The following KCNC1 variants were observed in gnomAD, a reference collection of about 807,000 sequenced individuals.
KCNC1 encodes potassium voltage-gated channel subfamily C member 1.
Under a neutral mutation model 43.4 loss-of-function variants are expected in KCNC1, and 8 were observed. The observed-to-expected ratio is 0.18, with a 90% CI of 0.11 to 0.33. The LOEUF (loss-of-function observed/expected upper bound fraction) is 0.33, where lower values mean the gene tolerates loss of function less well. Ranked by LOEUF, KCNC1 falls within the 10% of genes least tolerant of loss-of-function variation. The pLI, the probability that KCNC1 is intolerant of heterozygous loss-of-function variation, is 1.00. For synonymous variants in KCNC1, 361 were observed against 360.5 expected (o/e 1.00, Z -0.01); for missense variants, 420 against 836.0 (o/e 0.50, Z 6.14).
At chr11:17,775,984 G>A (rs1474356108) in intron 2 of KCNC1, 5 of 985,230 alleles carry the variant, frequency 5.1e-6, no homozygotes, top group East Asian at 1.1e-4. Context: ...TATCCATGGA[G>A]GGGGGAGGGA....
At chr11:17,747,360 G>C (rs528057406) in intron 1 of KCNC1, among the ~76,000 whole-genome samples, 1 of 152,214 alleles carries the variant, frequency 6.6e-6, no homozygotes, top group Non-Finnish European at 1.5e-5. Context: ...TGGAACGTCC[G>C]CCTGCCAGGG....
rs1849302561 is a variant in KCNC1, at chr11:17,777,792, G to C, written c.1505-1664G>C. On this transcript the variant is annotated intron_variant, in intron 2 of 3. Transcript: ENST00000265969. The surrounding 1 kb of genome is among the most constrained non-coding windows in gnomAD (Gnocchi z 4.3). ...ATTATGATGGGATTTTTTTGGATTTGCTTTACGAATAAATCTGATTGGTCC... is the reference window on the plus strand; with the variant it reads ...ATTATGATGGGATTTTTTTGGATTTCCTTTACGAATAAATCTGATTGGTCC... The C allele has an allele frequency of 6.1e-6, 6 of 986,242 alleles. No individual in the cohort carries two copies. In the South Asian group the frequency reaches 1.9e-4, roughly 31 times the overall value. The allele number at this position is 986,242 out of a possible 1,614,324, so 61.1% of individuals were successfully genotyped here. A position where few individuals can be genotyped will look rare whatever the true frequency, so the allele number is the denominator to read the frequency against.
In KCNC1 at chr11:17,782,093, A is replaced by G. The variant is rs1010937721; in HGVS notation, c.*359A>G. ...CAACAATAATGAAAAGAAAAACATC[A>G]AAGCCCTCTATTTTCTTTCAAAGCT... On this transcript the variant is annotated 3_prime_UTR_variant, in exon 4 of 4. Coordinates refer to ENST00000265969, the MANE Select transcript of KCNC1 (RefSeq NM_001112741.2). 1 of 224,140 alleles carries G rather than the reference A, an allele frequency of 4.5e-6. No individual in the cohort carries two copies. Among genetic ancestry groups the G allele is most frequent in the Non-Finnish European group, 8.6e-6 (1 of 115,994 alleles). The allele number at this position is 224,140 out of a possible 1,614,324, so 13.9% of individuals were successfully genotyped here.
intron 1 of KCNC1, among the ~76,000 whole-genome samples, chr11:17,759,970 C>T (rs537378987): frequency 5.3e-5 from 8 of 152,220 alleles, no homozygotes; most frequent in Admixed American, 4.6e-4. Context: ...TAAAGCAAAA[C>T]GCAGTCGAAC....
chr11:17,742,671 C>G lies in KCNC1; in HGVS notation c.570+6099C>G, dbSNP rs1488886962. 6.6e-6 allele frequency among the ~76,000 whole-genome samples: 1 copy of G among 152,178 alleles called. No homozygotes were observed. The highest frequency in any genetic ancestry group is 1.5e-5 in the Non-Finnish European group (1 of 68,016). ...ACTTCACATATGCATGGGACTATTG[C>G]AGGGAATGGGTGCTCCCAGGCTACC... On this transcript the variant is annotated intron_variant, in intron 1 of 3. Coordinates refer to ENST00000265969, the MANE Select transcript of KCNC1 (RefSeq NM_001112741.2). This position sits in a 1 kb window ranked among gnomAD's most constrained non-coding sequence, Gnocchi z 4.2.
At chr11:17,772,939 GTC>G (rs1037300309) in intron 2 of KCNC1, 3 of 1,181,762 alleles carry the variant, frequency 2.5e-6, no homozygotes, top group African/African-American at 3.1e-5. Context: ...TCCGGTGTGA[GTC>G]TCTGACTCAG....
At chr11:17,738,981 C>G (rs1022593033) in intron 1 of KCNC1, among the ~76,000 whole-genome samples, 1 of 152,194 alleles carries the variant, frequency 6.6e-6, no homozygotes, top group Non-Finnish European at 1.5e-5. Context: ...CAAGGGCACT[C>G]GGGAGCTGAG....
At chr11:17,743,583 A>G (rs1388268409) in intron 1 of KCNC1, among the ~76,000 whole-genome samples, 1 of 152,196 alleles carries the variant, frequency 6.6e-6, no homozygotes, top group Non-Finnish European at 1.5e-5. Context: ...CATATGGCCT[A>G]AAGTGAAATG....
At position 17,739,291 on chromosome 11, in the gene KCNC1, G is replaced by A. The variant is rs1008190479; in HGVS notation, c.570+2719G>A. Among the ~76,000 whole-genome samples, 2 of 152,120 alleles carry A rather than the reference G, an allele frequency of 1.3e-5. No homozygotes were observed. Among genetic ancestry groups the A allele is most frequent in the African/African-American group, 4.8e-5 (2 of 41,390 alleles). On this transcript the variant is annotated intron_variant, in intron 1 of 3. Coordinates refer to ENST00000265969, the MANE Select transcript of KCNC1 (RefSeq NM_001112741.2). The surrounding 1 kb of genome is among the most constrained non-coding windows in gnomAD (Gnocchi z 4.2). ...GAAAGGCTGTATGTGTGAGACAGAG[G>A]CTCTTTGTAAGAGAGATTGTGTGTG...
Position 17,735,005 on chromosome 11 carries a change from A to C in KCNC1, c.-998A>C, listed in dbSNP as rs1848746815. 1 of 149,236 alleles carries C rather than the reference A, an allele frequency of 6.7e-6. No homozygotes were observed. The highest frequency in any genetic ancestry group is 6.6e-5 in the Admixed American group (1 of 15,116). The allele number at this position is 149,236 out of a possible 1,614,324, so 9.2% of individuals were successfully genotyped here. ...ACCGCCTGCCCGAAGCGAGGAGCGGAGTGCGGGGCGCAGAGGCACCGGAGC... is the reference window on the plus strand; with the variant it reads ...ACCGCCTGCCCGAAGCGAGGAGCGGCGTGCGGGGCGCAGAGGCACCGGAGC... On this transcript the variant is annotated 5_prime_UTR_variant, in exon 1 of 4. Coordinates refer to ENST00000265969, the MANE Select transcript of KCNC1 (RefSeq NM_001112741.2). The surrounding 1 kb of genome is among the most constrained non-coding windows in gnomAD (Gnocchi z 6.7).
intron 1 of KCNC1, among the ~76,000 whole-genome samples, chr11:17,748,928 G>A (rs1271414754): frequency 6.6e-6 from 1 of 152,174 alleles, no homozygotes; most frequent in East Asian, 1.9e-4. Flanking sequence ...TCTCTGAGCT[G>A]GGTGTGGGGC....
intron 1 of KCNC1, among the ~76,000 whole-genome samples, chr11:17,767,581 G>T (rs1182296385): frequency 6.6e-6 from 1 of 152,330 alleles, no homozygotes; most frequent in Non-Finnish European, 1.5e-5. Flanking sequence ...GCCTGTGGCT[G>T]ACCTCCCACT....
intron 1 of KCNC1, among the ~76,000 whole-genome samples, chr11:17,763,599 CACCACCCCACATGCACATAT>C: frequency 7.4e-6 from 1 of 135,302 alleles, no homozygotes; most frequent in Non-Finnish European, 1.6e-5. Flanking sequence ...GACCCCCACA[CACCACCCCACATGCACATAT>C]ACACACCCAC....
intron 1 of KCNC1, among the ~76,000 whole-genome samples, chr11:17,740,097 G>A (rs144564124): frequency 5.9e-5 from 9 of 152,338 alleles, no homozygotes; most frequent in African/African-American, 2.2e-4. Flanking sequence ...CTGGGCCTTG[G>A]TGCTGGCCCT....
In KCNC1 at chr11:17,772,438, T is replaced by C. The variant is rs1849240717; in HGVS notation, c.1344T>C (p.Ala448=). The change falls in exon 2 of 4, where the codon GCT becomes GCC. Residue 448 remains alanine, a synonymous_variant. Coordinates refer to ENST00000265969, the MANE Select transcript of KCNC1 (RefSeq NM_001112741.2). ...NFGMYYSLAM[A]KQKLPKKKKK... ...GGATGTATTACTCCTTAGCCATGGCTAAGCAGAAACTACCAAAGAAAAAAA... is the reference window on the plus strand; with the variant it reads ...GGATGTATTACTCCTTAGCCATGGCCAAGCAGAAACTACCAAAGAAAAAAA... The C allele has an allele frequency of 6.2e-7, 1 of 1,614,016 alleles. No homozygotes were observed. The highest frequency in any genetic ancestry group is 8.5e-7 in the Non-Finnish European group (1 of 1,180,034).
rs1198347009 is a variant in KCNC1, at chr11:17,776,886, T to C, written c.1505-2570T>C. 1.3e-5 allele frequency: 13 copies of C among 985,242 alleles called. No individual in the cohort carries two copies. In the Admixed American group the frequency reaches 2.5e-4, roughly 19 times the overall value. The allele number at this position is 985,242 out of a possible 1,614,324, so 61.0% of individuals were successfully genotyped here. The stretch of plus-strand genomic sequence containing the variant: ...CAGTTTCTGAAAGCATCTTAAACCA[T>C]AGATAGACGAACAGCCCAGGGGCCT... On this transcript the variant is annotated intron_variant, in intron 2 of 3. Transcript: ENST00000265969. The surrounding 1 kb of genome is among the most constrained non-coding windows in gnomAD (Gnocchi z 4.4).
At chr11:17,751,031 C>T (rs1848963238) in intron 1 of KCNC1, among the ~76,000 whole-genome samples, 1 of 152,184 alleles carries the variant, frequency 6.6e-6, no homozygotes, top group African/African-American at 2.4e-5. Flanking sequence ...CTATGTGCCC[C>T]TGTGAGGTGG....
chr11:17,738,349 G>A (rs541964481), intron 1 of KCNC1, among the ~76,000 whole-genome samples: 2 of 152,118 alleles, frequency 1.3e-5, no homozygotes, highest in East Asian at 3.9e-4. Context: ...GGAGGGGGAT[G>A]GGAGGTTGAA....
At chr11:17,743,419 A>G (rs1590092502) in intron 1 of KCNC1, among the ~76,000 whole-genome samples, 2 of 152,104 alleles carry the variant, frequency 1.3e-5, no homozygotes, top group Admixed American at 1.3e-4. Flanking sequence ...CCTGTCCAGA[A>G]CCTGTCAGCA....
Sources: allele counts gnomAD v4.1 joint callset (sites outside exome capture counted in the v4.1 genomes callset), GRCh38; gene constraint gnomAD v4.1.1; non-coding constraint Gnocchi (gnomAD v3.1); transcripts MANE v1.5; gene names NCBI Gene and HGNC (gene_info 2026-07-23, HGNC 2026-07-21).